The following ZNF383 variants were observed in gnomAD, a reference collection of about 807,000 sequenced individuals.
ZNF383 encodes the protein zinc finger protein 383.
ZNF383 carries 32 observed loss-of-function variants against 44.2 expected under a neutral mutation model. The ratio of observed to expected loss-of-function variants is 0.72; its 90% CI spans 0.55 to 0.97. ZNF383 has a LOEUF of 0.97. ZNF383 is among the 50% of genes least tolerant of loss of function. The probability of loss-of-function intolerance (pLI) is 0.00; values close to 1 mark genes in which losing one functional copy is unlikely to be tolerated. For missense variants in ZNF383, 487 were observed against 562.5 expected, an observed-to-expected ratio of 0.87 and a Z score of 1.36; for synonymous variants, 155 against 186.2, an observed-to-expected ratio of 0.83 and a Z score of 1.36.
intron 2 of ZNF383, among the ~76,000 whole-genome samples, chr19:37,228,183 T>C (rs925961183): frequency 6.6e-6 from 1 of 152,228 alleles, no homozygotes; most frequent in Non-Finnish European, 1.5e-5. Flanking sequence ...ACAGGTGCCT[T>C]CCCAGGTACT....
intron 5 of ZNF383, among the ~76,000 whole-genome samples, chr19:37,236,623 T>C (rs146728384): frequency 2.5e-4 from 38 of 150,492 alleles, no homozygotes; most frequent in African/African-American, 9.3e-4. Flanking sequence ...CAGGCTGGAG[T>C]GCAGGGTGCG....
intron 3 of ZNF383, among the ~76,000 whole-genome samples, chr19:37,235,161 T>C (rs970882388): frequency 2.0e-5 from 3 of 151,846 alleles, no homozygotes; most frequent in Non-Finnish European, 4.4e-5. Flanking sequence ...TAATCCCCGC[T>C]ACTCGGGAGG....
intron 3 of ZNF383, among the ~76,000 whole-genome samples, chr19:37,232,929 T>A (rs1973569528): frequency 6.6e-6 from 1 of 152,176 alleles, no homozygotes; most frequent in Non-Finnish European, 1.5e-5. Flanking sequence ...ATTATTCTCT[T>A]TTATAATGCT....
chr19:37,232,359 T>G (rs1353157314), intron 3 of ZNF383, among the ~76,000 whole-genome samples: 1 of 152,088 alleles, frequency 6.6e-6, no homozygotes, highest in African/African-American at 2.4e-5. Context: ...TGAGCCACCA[T>G]GCCCGGCCAA....
chr19:37,218,302 G>C (rs1972766785), intron 1 of ZNF383, 28 bp downstream of exon 1: 1 of 152,550 alleles, frequency 6.6e-6, no homozygotes, highest in South Asian at 2.1e-4. Context: ...TGAAGGGACT[G>C]ACCAGGCTGG....
chr19:37,237,921 G>A (rs572649049), intron 5 of ZNF383, among the ~76,000 whole-genome samples: 3 of 151,084 alleles, frequency 2.0e-5, no homozygotes, highest in South Asian at 2.1e-4. Flanking sequence ...GGAGTGCAGC[G>A]GCACAATCAT....
At chr19:37,234,167 A>G (rs1379981573) in intron 3 of ZNF383, among the ~76,000 whole-genome samples, 2 of 151,760 alleles carry the variant, frequency 1.3e-5, no homozygotes, top group Non-Finnish European at 1.5e-5. Context: ...CACGGCCCAC[A>G]TCTATTTTAT....
At chr19:37,232,857 T>C (rs1973565982) in intron 3 of ZNF383, among the ~76,000 whole-genome samples, 1 of 152,254 alleles carries the variant, frequency 6.6e-6, no homozygotes, top group African/African-American at 2.4e-5. Flanking sequence ...ACATTTTTAA[T>C]ATGATCAGTC....
Position 37,243,254 on chromosome 19 carries a change from T to A in ZNF383, c.1018T>A (p.Cys340Ser). 6.2e-7 allele frequency: 1 copy of A among 1,614,092 alleles called. No homozygotes were observed. The highest frequency in any genetic ancestry group is 1.1e-5 in the South Asian group (1 of 91,088). ...TCATACTGGTGAGAAACCCTATGAGTGCAAGGAATGTGGCAAAGCCTTTAG... is the reference window on the plus strand; with the variant it reads ...TCATACTGGTGAGAAACCCTATGAGAGCAAGGAATGTGGCAAAGCCTTTAG... ...RIHTGEKPYECKECGKAFSSG... is the reference protein window; with the variant it reads ...RIHTGEKPYESKECGKAFSSG... The change falls in exon 6 of 6, where the codon TGC becomes AGC. Residue 340 changes from cysteine (C) to serine (S), a missense_variant. By Grantham distance (112) the Cys-to-Ser change is moderately radical. Transcript: ENST00000684119.
intron 5 of ZNF383, among the ~76,000 whole-genome samples, chr19:37,236,954 A>ACAC (rs1973833344): frequency 1.4e-5 from 2 of 146,758 alleles, no homozygotes; most frequent in Non-Finnish European, 3.0e-5. Flanking sequence ...CACACATGTG[A>ACAC]ACACACACAC....
intron 5 of ZNF383, among the ~76,000 whole-genome samples, chr19:37,239,845 G>A (rs1973992782): frequency 6.6e-6 from 1 of 152,046 alleles, no homozygotes; most frequent in Non-Finnish European, 1.5e-5. Flanking sequence ...ACTTTACTTG[G>A]GAGCTTAACT....
chr19:37,230,460 G>A lies in ZNF383; in HGVS notation c.7G>A (p.Glu3Lys). 1 of 1,612,832 alleles carries A rather than the reference G, an allele frequency of 6.2e-7. No individual in the cohort carries two copies. Among genetic ancestry groups the A allele is most frequent in the Non-Finnish European group, 8.5e-7 (1 of 1,179,692 alleles). Residue 3 changes from glutamate to lysine, a missense_variant and splice_region_variant, in exon 3 of 6, where the codon GAG becomes AAG. Coordinates refer to ENST00000684119, the MANE Select transcript of ZNF383 (RefSeq NM_001387601.1). ...ATCTGCAATACTAGAAGCCATGGCT[G>A]AGGTGAGTTGATGCTTTTTCTTGCC... Reference protein sequence around the residue: MAEGSVMFSDVSI... With the variant: MAKGSVMFSDVSI...
chr19:37,245,525 A>G lies in ZNF383; in HGVS notation c.*1861A>G, dbSNP rs987082629. On this transcript the variant is annotated 3_prime_UTR_variant, in exon 6 of 6. Coordinates refer to ENST00000684119, the MANE Select transcript of ZNF383 (RefSeq NM_001387601.1). ...GAGTTCACTCTGTTGCCCAGGCTGA[A>G]GTGCAGTGGCACAATCTCAGTTCAC... The G allele has an allele frequency of 2.0e-5, 3 of 151,380 alleles. No homozygotes were observed. Among genetic ancestry groups the G allele is most frequent in the African/African-American group, 7.3e-5 (3 of 41,144 alleles). The allele number at this position is 151,380 out of a possible 1,614,324, so 9.4% of individuals were successfully genotyped here.
At chr19:37,236,147 C>CAAAGGTGCTGTTT in intron 5 of ZNF383, 73 bp downstream of exon 5, 1 of 1,142,744 alleles carries the variant, frequency 8.8e-7, no homozygotes, top group Non-Finnish European at 1.3e-6. Flanking sequence ...GGAAACAGCA[C>CAAAGGTGCTGTTT]CTTTGAGATG....
At chr19:37,234,556 A>AT (rs1174611396) in intron 3 of ZNF383, among the ~76,000 whole-genome samples, 1 of 151,716 alleles carries the variant, frequency 6.6e-6, no homozygotes, top group African/African-American at 2.4e-5. Context: ...CGCCTGGCTA[A>AT]TTTTTTTGTA....
intron 1 of ZNF383, among the ~76,000 whole-genome samples, chr19:37,218,957 G>A (rs1972795164): frequency 6.6e-6 from 1 of 152,108 alleles, no homozygotes; most frequent in Admixed American, 6.6e-5. Context: ...GTAGCACTCT[G>A]GTTCTGAATG....
chr19:37,243,235 T>C lies in ZNF383; in HGVS notation c.999T>C (p.Thr333=). The change falls in exon 6 of 6, where the codon ACT becomes ACC. Residue 333 remains threonine (T), a synonymous_variant. Transcript: ENST00000684119. Reference sequence around the variant, plus strand: ...TTGTTCAACATCAGAGAATTCATACTGGTGAGAAACCCTATGAGTGCAAGG... The same window carrying C: ...TTGTTCAACATCAGAGAATTCATACCGGTGAGAAACCCTATGAGTGCAAGG... ...SKLVQHQRIH[T]GEKPYECKEC... 6.2e-7 allele frequency: 1 copy of C among 1,614,110 alleles called. No individual in the cohort carries two copies. The highest frequency in any genetic ancestry group is 1.3e-5 in the African/African-American group (1 of 75,036).
At chr19:37,227,043 G>A (rs993548055) in intron 2 of ZNF383, among the ~76,000 whole-genome samples, 8 of 150,680 alleles carry the variant, frequency 5.3e-5, no homozygotes, top group Admixed American at 2.6e-4. Context: ...TGTTGACCTC[G>A]TGATCTGCCC....
Position 37,242,717 on chromosome 19 carries a change from C to T in ZNF383, c.481C>T (p.Gln161Ter), listed in dbSNP as rs1974178795. 1.2e-6 allele frequency: 2 copies of T among 1,613,874 alleles called. No homozygotes were observed. The highest frequency in any genetic ancestry group is 1.7e-6 in the Non-Finnish European group (2 of 1,179,968). Residue 161 changes from glutamine (Q) to a stop codon, truncating the protein, a stop_gained, in exon 6 of 6, where the codon CAA (glutamine) becomes TAA (stop). Transcript: ENST00000684119. LOFTEE classifies it high-confidence loss of function. ...FIQQTFLTLH[Q>*]IINNEDRPYE... ...TCAACAGACATTCCTTACTCTCCAT[C>T]AAATAATTAATAATGAAGACAGACC...
Sources: allele counts gnomAD v4.1 joint callset (sites outside exome capture counted in the v4.1 genomes callset), GRCh38; gene constraint gnomAD v4.1.1; transcripts MANE v1.5; gene names NCBI Gene and HGNC (gene_info 2026-07-23, HGNC 2026-07-21).